Variants in TMEM108 observed in about 807,000 individuals in gnomAD.
The protein encoded by TMEM108 is transmembrane protein 108.
Under a neutral mutation model 35.1 loss-of-function variants are expected in TMEM108, and 12 were observed. That is an observed-to-expected ratio of 0.34 (90% confidence interval 0.22 to 0.55). The LOEUF (loss-of-function observed/expected upper bound fraction) is 0.55, where lower values mean the gene tolerates loss of function less well. Among genes scored for constraint, TMEM108 ranks in the 20% least tolerant of loss-of-function variants. TMEM108 has a pLI of 0.89. For synonymous variants in TMEM108, 287 were observed against 308.6 expected (o/e 0.93, Z 0.73); for missense variants, 680 against 753.3 (o/e 0.90, Z 1.14).
At chr3:133,200,203 C>G (rs1471323230) in intron 2 of TMEM108, among the ~76,000 whole-genome samples, 3 of 152,192 alleles carry the variant, frequency 2.0e-5, no homozygotes, top group African/African-American at 7.2e-5. Context: ...TTCCCTTACC[C>G]CTTGTGCTTA....
At chr3:133,310,841 GT>G (rs2071119255) in intron 3 of TMEM108, among the ~76,000 whole-genome samples, 1 of 152,140 alleles carries the variant, frequency 6.6e-6, no homozygotes, top group South Asian at 2.1e-4. Flanking sequence ...AATTTGCCAT[GT>G]TTTTGCAGTG....
chr3:133,171,707 A>C (rs922068221), intron 2 of TMEM108, among the ~76,000 whole-genome samples: 16 of 152,240 alleles, frequency 1.1e-4, no homozygotes, highest in African/African-American at 3.9e-4. Context: ...TTTGAGAAGC[A>C]CTGCATGGGG....
At chr3:133,223,938 G>GTTT (rs1465385518) in intron 2 of TMEM108, among the ~76,000 whole-genome samples, 4 of 152,206 alleles carry the variant, frequency 2.6e-5, no homozygotes, top group Non-Finnish European at 5.9e-5. Flanking sequence ...GGATAGCCCT[G>GTTT]TGTAACCCAG....
intron 2 of TMEM108, among the ~76,000 whole-genome samples, chr3:133,108,230 TA>T (rs962322958): frequency 5.4e-5 from 8 of 149,120 alleles, no homozygotes; most frequent in Admixed American, 1.3e-4. Flanking sequence ...CACTTCATCT[TA>T]AAAAAAAAAG....
chr3:133,206,092 C>T (rs2107833468), intron 2 of TMEM108, among the ~76,000 whole-genome samples: 1 of 152,300 alleles, frequency 6.6e-6, no homozygotes, highest in East Asian at 1.9e-4. Context: ...ATCAATTCAG[C>T]TATTGATACT....
At chr3:133,171,111 C>T (rs575761370) in intron 2 of TMEM108, among the ~76,000 whole-genome samples, 42 of 152,268 alleles carry the variant, frequency 2.8e-4, no homozygotes, top group Non-Finnish European at 4.7e-4. Flanking sequence ...TTAGATAATT[C>T]ACCACCAGAT....
At position 133,204,264 on chromosome 3, in the gene TMEM108, A is replaced by ATT. The variant is rs199778088; in HGVS notation, c.-46-24994_-46-24993dup. ...AAAAAAATAGCTCCTGGATTCATTG[A>ATT]TTTTTTTTTGAAGGGTTTTTCATGT... On this transcript the variant is annotated intron_variant, in intron 2 of 5. Transcript: ENST00000321871. 5.2e-4 allele frequency among the ~76,000 whole-genome samples: 77 copies of ATT among 149,016 alleles called. No individual in the cohort carries two copies. In the Middle Eastern group the frequency reaches 0.017, roughly 33 times the overall value.
intron 2 of TMEM108, among the ~76,000 whole-genome samples, chr3:133,187,231 TAGA>T (rs1308188156): frequency 6.6e-6 from 1 of 152,228 alleles, no homozygotes; most frequent in Non-Finnish European, 1.5e-5. Context: ...ATATGTAAAC[TAGA>T]AGGAGAGATT....
At chr3:133,179,778 C>T (rs914867334) in intron 2 of TMEM108, among the ~76,000 whole-genome samples, 1 of 151,432 alleles carries the variant, frequency 6.6e-6, no homozygotes, top group Non-Finnish European at 1.5e-5. Flanking sequence ...GCATGTTGTG[C>T]ACATGTACCG....
At chr3:133,291,587 GT>G (rs56345577) in intron 3 of TMEM108, among the ~76,000 whole-genome samples, 2 of 151,662 alleles carry the variant, frequency 1.3e-5, no homozygotes, top group African/African-American at 4.8e-5. Context: ...CTACCAGTGA[GT>G]TTTTTTTAAT....
At chr3:133,146,695 T>A (rs1032392489) in intron 2 of TMEM108, among the ~76,000 whole-genome samples, 2 of 152,086 alleles carry the variant, frequency 1.3e-5, no homozygotes, top group Admixed American at 6.6e-5. Flanking sequence ...AGTCTTGGGA[T>A]GGTGTATGTG....
intron 2 of TMEM108, among the ~76,000 whole-genome samples, chr3:133,121,476 G>T (rs1187993018): frequency 1.3e-5 from 2 of 152,126 alleles, no homozygotes; most frequent in Non-Finnish European, 2.9e-5. Flanking sequence ...GTTTGCTATA[G>T]CTAAAAGGGA....
At chr3:133,313,068 C>T (rs2071154000) in intron 3 of TMEM108, among the ~76,000 whole-genome samples, 1 of 152,160 alleles carries the variant, frequency 6.6e-6, no homozygotes. Flanking sequence ...TCTAGGACCA[C>T]AAAATTTACT....
At chr3:133,125,049 A>G (rs1349496030) in intron 2 of TMEM108, 1 of 152,232 alleles carries the variant, frequency 6.6e-6, no homozygotes, top group Non-Finnish European at 1.5e-5. Context: ...AGAATTTACA[A>G]TCCCAAATTA....
At chr3:133,078,738 A>C (rs1340798996) in intron 2 of TMEM108, among the ~76,000 whole-genome samples, 1 of 152,216 alleles carries the variant, frequency 6.6e-6, no homozygotes, top group Non-Finnish European at 1.5e-5. Context: ...ACAAAATACC[A>C]AATTATTCAT....
intron 4 of TMEM108, chr3:133,386,357 A>G: frequency 7.2e-6 from 11 of 1,526,532 alleles, no homozygotes; most frequent in East Asian, 2.4e-5. Flanking sequence ...GAGCAATTCA[A>G]TAGTTGTTTG....
chr3:133,166,863 C>G (rs966650110), intron 2 of TMEM108, among the ~76,000 whole-genome samples: 1 of 152,210 alleles, frequency 6.6e-6, no homozygotes, highest in South Asian at 2.1e-4. Flanking sequence ...GCTTTTATTC[C>G]CTTATCTGAC....
chr3:133,067,815 G>A (rs1943628928), intron 2 of TMEM108, among the ~76,000 whole-genome samples: 1 of 152,086 alleles, frequency 6.6e-6, no homozygotes, highest in African/African-American at 2.4e-5. Flanking sequence ...TTGTGCTGCT[G>A]TAACAAAGTA....
chr3:133,105,473 T>C (rs952510883), intron 2 of TMEM108, among the ~76,000 whole-genome samples: 1 of 152,182 alleles, frequency 6.6e-6, no homozygotes. Flanking sequence ...TTTTAAGGAC[T>C]CGGGTGATTA....
Sources: gnomAD v4.1 joint callset for allele counts (sites outside exome capture counted in the v4.1 genomes callset) on GRCh38, gnomAD v4.1.1 for gene constraint, MANE v1.5 for transcripts, NCBI Gene and HGNC (gene_info 2026-07-23, HGNC 2026-07-21) for gene names.